Variants in ZNF85 observed in about 807,000 individuals in gnomAD.
ZNF85 encodes zinc finger protein 85 (HPF4, HTF1).
Under a neutral mutation model 53.9 loss-of-function variants are expected in ZNF85, and 50 were observed. The ratio of observed to expected loss-of-function variants is 0.93; its 90% CI spans 0.74 to 1.17. The LOEUF (loss-of-function observed/expected upper bound fraction) is 1.17. Among genes scored for constraint, ZNF85 ranks in the 50% most tolerant of loss-of-function variants. The pLI is 0.00. For synonymous variants in ZNF85, 225 were observed against 226.1 expected (o/e 1.00, Z 0.04); for missense variants, 747 against 688.5 (o/e 1.08, Z -0.95).
chr19:20,927,702 G>T (rs549474620), intron 1 of ZNF85: 2 of 152,102 alleles, frequency 1.3e-5, no homozygotes, highest in East Asian at 1.9e-4. Flanking sequence ...GGCCAAGATG[G>T]TGAAACCCTG....
chr19:20,944,812 T>C (rs1037209832), intron 3 of ZNF85, among the ~76,000 whole-genome samples: 18 of 152,240 alleles, frequency 1.2e-4, no homozygotes, highest in African/African-American at 3.8e-4. Flanking sequence ...ATTATAATTG[T>C]GTATGAAAAT....
At chr19:20,934,899 T>C (rs761516317) in intron 2 of ZNF85, 50 bp from the exon 3 acceptor site, 14 of 1,294,060 alleles carry the variant, frequency 1.1e-5, no homozygotes, top group Admixed American at 7.7e-5. Flanking sequence ...ACTAGATTGG[T>C]CATTAGAGAA....
In ZNF85 at chr19:20,949,672, T is replaced by C. The variant is rs761320871; in HGVS notation, c.1158T>C (p.Thr386=). The part of the protein sequence containing the change: ...GKAFNHFSHL[T]THKIIHTGEK... ...CCTTTAATCATTTCTCACACCTTAC[T>C]ACACATAAGATAATTCATACTGGAG... is the stretch of plus-strand genomic sequence containing the variant. Residue 386 remains threonine (T), a synonymous_variant, in exon 4 of 4, where the codon ACT becomes ACC. Coordinates refer to ENST00000328178, the MANE Select transcript of ZNF85 (RefSeq NM_003429.5). The C allele has an allele frequency of 1.2e-6, 2 of 1,613,314 alleles. No individual in the cohort carries two copies. The highest frequency in any genetic ancestry group is 1.7e-6 in the Non-Finnish European group (2 of 1,179,620).
At chr19:20,945,082 A>T (rs1316851862) in intron 3 of ZNF85, among the ~76,000 whole-genome samples, 1 of 152,082 alleles carries the variant, frequency 6.6e-6, no homozygotes, top group East Asian at 1.9e-4. Flanking sequence ...TTTGAATTTT[A>T]AGATAATATA....
At chr19:20,931,222 C>T (rs897525601) in intron 1 of ZNF85, among the ~76,000 whole-genome samples, 1 of 152,158 alleles carries the variant, frequency 6.6e-6, no homozygotes, top group African/African-American at 2.4e-5. Context: ...GTTACCTATT[C>T]ATGGACTCTT....
In ZNF85 at chr19:20,923,410, G is replaced by T; in HGVS notation, c.3+7G>T. 2 of 1,614,146 alleles carry T rather than the reference G, an allele frequency of 1.2e-6. No individual in the cohort carries two copies. Among genetic ancestry groups the T allele is most frequent in the South Asian group, 2.2e-5 (2 of 91,078 alleles). On this transcript the variant is annotated splice_region_variant and intron_variant, in intron 1 of 3. Coordinates refer to ENST00000328178, the MANE Select transcript of ZNF85 (RefSeq NM_003429.5). ...CCCTGGAAGCCTAGAAATGGTGAGA[G>T]TGCCAGGTCCGCCATCCCGAGGGGG...
intron 3 of ZNF85, among the ~76,000 whole-genome samples, chr19:20,937,956 C>T (rs1019090268): frequency 1.2e-4 from 19 of 152,284 alleles, no homozygotes; most frequent in African/African-American, 3.8e-4. Flanking sequence ...GCCTGCCTTC[C>T]GAAACGGATA....
Position 20,923,475 on chromosome 19 carries a change from G to A in ZNF85, c.3+72G>A. 4 of 1,609,966 alleles carry A rather than the reference G, an allele frequency of 2.5e-6. No homozygotes were observed. The South Asian group carries it at 4.4e-5, about 18-fold the overall frequency. ...AAACCGGTGGGAAGCGGCTGTGGCG[G>A]GACTCAGGCCTCCCTGTAGTCAGCT... is the stretch of plus-strand genomic sequence containing the variant. On this transcript the variant is annotated intron_variant, in intron 1 of 3. Coordinates refer to ENST00000328178, the MANE Select transcript of ZNF85 (RefSeq NM_003429.5).
intron 1 of ZNF85, among the ~76,000 whole-genome samples, chr19:20,932,848 A>G (rs1394817771): frequency 6.6e-6 from 1 of 152,112 alleles, no homozygotes; most frequent in East Asian, 1.9e-4. Context: ...GAGGAGCAGT[A>G]TCACAGCCGT....
chr19:20,950,487 G>T lies in ZNF85; in HGVS notation c.*185G>T. 2.1e-6 allele frequency: 1 copy of T among 477,778 alleles called. No individual in the cohort carries two copies. The highest frequency in any genetic ancestry group is 3.2e-5 in the East Asian group (1 of 30,828). The allele number at this position is 477,778 out of a possible 1,614,324, so 29.6% of individuals were successfully genotyped here. On this transcript the variant is annotated 3_prime_UTR_variant, in exon 4 of 4. Coordinates refer to ENST00000328178, the MANE Select transcript of ZNF85 (RefSeq NM_003429.5). ...ACTATGGCAAAGTCTTTAAATGGTTGTCACACTTTAGGTAAGATAATTCAT... is the reference window on the plus strand; with the variant it reads ...ACTATGGCAAAGTCTTTAAATGGTTTTCACACTTTAGGTAAGATAATTCAT...
chr19:20,935,403 A>T (rs1228825300), intron 3 of ZNF85, among the ~76,000 whole-genome samples: 1 of 152,078 alleles, frequency 6.6e-6, no homozygotes, highest in Non-Finnish European at 1.5e-5. Flanking sequence ...CAATATTTTT[A>T]ATTGTATTTT....
chr19:20,927,454 A>AG (rs1972906206), intron 1 of ZNF85: 1 of 151,792 alleles, frequency 6.6e-6, no homozygotes, highest in East Asian at 1.9e-4. Flanking sequence ...AGTGTCTCAA[A>AG]AAAAAAAAAG....
chr19:20,932,182 C>G (rs1973038857), intron 1 of ZNF85, among the ~76,000 whole-genome samples: 1 of 152,086 alleles, frequency 6.6e-6, no homozygotes, highest in Non-Finnish European at 1.5e-5. Flanking sequence ...AGAATCTCAT[C>G]TGGAAAGGAT....
chr19:20,933,927 A>T (rs1568547927), intron 1 of ZNF85, 97 bp from the exon 2 acceptor site: 1 of 1,299,162 alleles, frequency 7.7e-7, no homozygotes, highest in South Asian at 2.0e-5. Flanking sequence ...GAGTAAAATT[A>T]AAAATGCTTT....
Position 20,948,963 on chromosome 19 carries a change from A to G in ZNF85, c.449A>G (p.Lys150Arg), listed in dbSNP as rs1451868152. 1.2e-6 allele frequency: 2 copies of G among 1,613,594 alleles called. No homozygotes were observed. Among genetic ancestry groups the G allele is most frequent in the Non-Finnish European group, 1.7e-6 (2 of 1,179,768 alleles). The change falls in exon 4 of 4, where the codon AAA becomes AGA. Residue 150 changes from lysine (K) to arginine (R), a missense_variant. By Grantham distance (26) the Lys-to-Arg change is conservative. Transcript: ENST00000328178. ...ATQSKIFQCD[K>R]YVKVAHKFSN... is the part of the protein sequence containing the mutation. ...CAGAGCAAAATATTTCAATGTGATA[A>G]ATATGTAAAAGTCGCTCATAAATTT...
chr19:20,929,957 T>TA (rs1277450850), intron 1 of ZNF85, among the ~76,000 whole-genome samples: 1 of 151,472 alleles, frequency 6.6e-6, no homozygotes, highest in African/African-American at 2.4e-5. Context: ...CATCCCTACT[T>TA]AAAAAATACA....
intron 3 of ZNF85, among the ~76,000 whole-genome samples, chr19:20,945,017 C>A (rs1272979569): frequency 6.6e-6 from 1 of 152,014 alleles, no homozygotes; most frequent in African/African-American, 2.4e-5. Context: ...AAAAATTCTT[C>A]TACTTTTATC....
At position 20,938,866 on chromosome 19, in the gene ZNF85, GTGTGTGTGTGTATATATA is replaced by G. The variant is rs1446671041; in HGVS notation, c.229+3831_229+3848del. On this transcript the variant is annotated intron_variant, in intron 3 of 3. Coordinates refer to ENST00000328178, the MANE Select transcript of ZNF85 (RefSeq NM_003429.5). ...TTCTGCTATATGTGTGTGTGTGTGT[GTGTGTGTGTGTATATATA>G]TGTGTGTGTGTGTGTGTGTATTTTA... Among the ~76,000 whole-genome samples the G allele has an allele frequency of 1.1e-4, 16 of 141,516 alleles. No individual in the cohort carries two copies. In the East Asian group the frequency reaches 3.0e-3, roughly 27 times the overall value. 92.8% of individuals were successfully genotyped at this position (141,516 alleles called of 152,430 possible).
intron 1 of ZNF85, among the ~76,000 whole-genome samples, chr19:20,931,425 G>A (rs1973014724): frequency 6.6e-6 from 1 of 151,902 alleles, no homozygotes; most frequent in African/African-American, 2.4e-5. Flanking sequence ...TGTTCTAGGG[G>A]GAAGCAGTCA....
Sources: allele counts gnomAD v4.1 joint callset (sites outside exome capture counted in the v4.1 genomes callset), GRCh38; gene constraint gnomAD v4.1.1; transcripts MANE v1.5; gene names NCBI Gene and HGNC (gene_info 2026-07-23, HGNC 2026-07-21).